Variants in CAD observed in about 807,000 individuals in gnomAD.
CAD encodes carbamoyl-phosphate synthetase 2, aspartate transcarbamylase, and dihydroorotase.
A neutral mutation model predicts 237.2 loss-of-function variants in CAD; 81 were observed. The observed-to-expected ratio is 0.34, with a 90% CI of 0.29 to 0.41. The LOEUF is 0.41. Among genes scored for constraint, CAD ranks in the 10% least tolerant of loss-of-function variants. The pLI is 1.00. For missense variants in CAD, 2,181 were observed against 2,951.7 expected (o/e 0.74, Z 6.05); for synonymous variants, 1,196 against 1,162.8 (o/e 1.03, Z -0.58).
chr2:27,231,409 T>C (rs1015293333), intron 15 of CAD, 59 bp from the exon 16 acceptor site: 1 of 940,792 alleles, frequency 1.1e-6, no homozygotes, highest in Non-Finnish European at 1.8e-6. Context: ...TTATGGGCAG[T>C]GCCTTCTTCC....
chr2:27,219,763 A>G (rs1331589353), intron 2 of CAD, among the ~76,000 whole-genome samples: 2 of 151,660 alleles, frequency 1.3e-5, no homozygotes, highest in South Asian at 2.1e-4. Flanking sequence ...CTAATTTTGT[A>G]TTTTTAGTAG....
chr2:27,223,881 A>G (rs766079509), intron 7 of CAD, 36 bp from the exon 8 acceptor site: 40 of 1,561,416 alleles, frequency 2.6e-5, no homozygotes, highest in Non-Finnish European at 3.5e-5. Context: ...CATGCCAGGG[A>G]CCATGATGGT....
At chr2:27,230,398 T>C (rs1413663912) in intron 15 of CAD, among the ~76,000 whole-genome samples, 1 of 151,894 alleles carries the variant, frequency 6.6e-6, no homozygotes, top group African/African-American at 2.4e-5. Flanking sequence ...CCCCAGCACT[T>C]TGGGAGGCCG....
In CAD at chr2:27,243,730, T is replaced by A; in HGVS notation, c.*212T>A. The A allele has an allele frequency of 1.7e-6, 1 of 585,076 alleles. No individual in the cohort carries two copies. Among genetic ancestry groups the A allele is most frequent in the Non-Finnish European group, 3.0e-6 (1 of 327,914 alleles). The allele number at this position is 585,076 out of a possible 1,614,324, so 36.2% of individuals were successfully genotyped here. A position where few individuals can be genotyped will look rare whatever the true frequency, so the allele number is the denominator to read the frequency against. ...TCTGCCCCATCTTCATTCCTGCACC[T>A]TAAACCTGTACAGTCATTTTTCTAC... On this transcript the variant is annotated 3_prime_UTR_variant, in exon 44 of 44. Transcript: ENST00000264705.
In CAD at chr2:27,237,863, G is replaced by A; in HGVS notation, c.4709G>A (p.Ser1570Asn). 1 of 1,612,558 alleles carries A rather than the reference G, an allele frequency of 6.2e-7. No homozygotes were observed. Among genetic ancestry groups the A allele is most frequent in the Non-Finnish European group, 8.5e-7 (1 of 1,179,138 alleles). The part of the protein sequence containing the change: ...NETFSELRLD[S>N]VVQWMEHFET... ...ACCTTCTCTGAGCTGCGGCTGGACA[G>A]CGTGGTCCAGTGGATGGAGGTAGGG... The change falls in exon 29 of 44, where the codon AGC (serine) becomes AAC (asparagine). Residue 1570 changes from serine (S) to asparagine (N), a missense_variant. Physicochemically the swap from Ser to Asn is conservative, Grantham distance 46 (BLOSUM62 1). Coordinates refer to ENST00000264705, the MANE Select transcript of CAD (RefSeq NM_004341.5). This position sits in a 1 kb window ranked among gnomAD's most constrained non-coding sequence, Gnocchi z 4.0.
At chr2:27,226,689 C>T (rs765387488) in intron 14 of CAD, 40 bp downstream of exon 14, 12 of 1,611,130 alleles carry the variant, frequency 7.4e-6, no homozygotes, top group South Asian at 4.4e-5. Context: ...GGAAGTGGGT[C>T]GGGGGCTGAG....
At position 27,235,385 on chromosome 2, in the gene CAD, G is replaced by A; in HGVS notation, c.3927G>A (p.Lys1309=). Residue 1309 remains lysine, a synonymous_variant, in exon 24 of 44, where the codon AAG becomes AAA. Transcript: ENST00000264705. The surrounding 1 kb of genome is among the most constrained non-coding windows in gnomAD (Gnocchi z 5.2). The part of the protein sequence containing the change: ...YLKAMLSTGF[K]IPKKNILLTI... ...AGGCCATGCTAAGCACTGGCTTTAAGATCCCCAAGAAGAATATCCTGCTGA... is the reference window on the plus strand; with the variant it reads ...AGGCCATGCTAAGCACTGGCTTTAAAATCCCCAAGAAGAATATCCTGCTGA... 1.2e-6 allele frequency: 2 copies of A among 1,613,576 alleles called. No individual in the cohort carries two copies. Among genetic ancestry groups the A allele is most frequent in the Non-Finnish European group, 1.7e-6 (2 of 1,179,734 alleles).
chr2:27,237,386 T>A lies in CAD; in HGVS notation c.4404T>A (p.Ile1468=). Residue 1468 remains isoleucine, a synonymous_variant, in exon 28 of 44, where the codon ATT becomes ATA. Transcript: ENST00000264705. This position sits in a 1 kb window ranked among gnomAD's most constrained non-coding sequence, Gnocchi z 4.0. ...GCTTCCATTTTCTCCCAGGATTGAT[T>A]GATGTCCATGTGCACCTGCGGGAAC... ...SQKLVRLPGL[I]DVHVHLREPG... 6.2e-7 allele frequency: 1 copy of A among 1,614,138 alleles called. No homozygotes were observed. The highest frequency in any genetic ancestry group is 8.5e-7 in the Non-Finnish European group (1 of 1,179,990).
rs934075073 is a variant in CAD, at chr2:27,232,373, C to T, written c.2646-75C>T. On this transcript the variant is annotated intron_variant, in intron 17 of 43. Transcript: ENST00000264705. The surrounding 1 kb of genome is among the most constrained non-coding windows in gnomAD (Gnocchi z 4.1). ...CCAAGGATATTTCCTCTCATCTGTGCCCTGGGGTCTCAACCCTCTATCAGT... is the reference window on the plus strand; with the variant it reads ...CCAAGGATATTTCCTCTCATCTGTGTCCTGGGGTCTCAACCCTCTATCAGT... 1.8e-5 allele frequency: 29 copies of T among 1,591,924 alleles called. No individual in the cohort carries two copies. The highest frequency in any genetic ancestry group is 2.4e-5 in the Non-Finnish European group (28 of 1,167,434).
rs759347908 is a variant in CAD at position 27,224,859 on chromosome 2, C to A, written c.1369C>A (p.Pro457Thr). 1 of 1,614,208 alleles carries A rather than the reference C, an allele frequency of 6.2e-7. No individual in the cohort carries two copies. Among genetic ancestry groups the A allele is most frequent in the South Asian group, 1.1e-5 (1 of 91,084 alleles). ...ADKVYFLPIT[P>T]HYVTQVIRNE... ...CAAGGTCTATTTTCTTCCCATAACA[C>A]CTCATTATGTAACCCAGGTATGACT... Residue 457 changes from proline to threonine, a missense_variant, in exon 10 of 44, where the codon CCT becomes ACT. Pro to Thr is a conservative substitution (Grantham distance 38, BLOSUM62 -1). Transcript: ENST00000264705.
At chr2:27,218,727 A>T (rs1259111541) in intron 2 of CAD, among the ~76,000 whole-genome samples, 1 of 152,126 alleles carries the variant, frequency 6.6e-6, no homozygotes, top group African/African-American at 2.4e-5. Flanking sequence ...TGAAATTTGG[A>T]AACTAAGTTG....
At chr2:27,226,051 G>A (rs1675432706) in intron 12 of CAD, 80 bp from the exon 13 acceptor site, 7 of 1,507,944 alleles carry the variant, frequency 4.6e-6, no homozygotes, top group Non-Finnish European at 5.5e-6. Flanking sequence ...CAGCCCCAGA[G>A]GTAACAGGAC....
rs1398342294 is a variant in CAD at position 27,217,527 on chromosome 2, G to A, written c.-25G>A. ...CAGTCCTTCCCGCTTCTCCGTACTC[G>A]CCCCCGCCTCTGAGCTCCCTTCCCA... On this transcript the variant is annotated 5_prime_UTR_variant, in exon 1 of 44. Coordinates refer to ENST00000264705, the MANE Select transcript of CAD (RefSeq NM_004341.5). 7.6e-6 allele frequency: 12 copies of A among 1,575,884 alleles called. No individual in the cohort carries two copies. The highest frequency in any genetic ancestry group is 1.0e-5 in the Non-Finnish European group (12 of 1,156,868).
rs372672673 is a variant in CAD at position 27,239,521 on chromosome 2, C to T, written c.5394+50C>T. 184 of 1,589,108 alleles carry T rather than the reference C, an allele frequency of 1.2e-4. No individual in the cohort carries two copies. The highest frequency in any genetic ancestry group is 9.8e-4 in the Middle Eastern group (5 of 5,100). Reference sequence around the variant, plus strand: ...CTCAGTAGTGCCCTCTTCTGCACCACGTTCATTTCTTCCCTTCCCAGCACA... The same window carrying T: ...CTCAGTAGTGCCCTCTTCTGCACCATGTTCATTTCTTCCCTTCCCAGCACA... On this transcript the variant is annotated intron_variant, in intron 33 of 43. Transcript: ENST00000264705. The surrounding 1 kb of genome is among the most constrained non-coding windows in gnomAD (Gnocchi z 4.0).
intron 15 of CAD, among the ~76,000 whole-genome samples, chr2:27,229,063 C>T (rs111889866): frequency 0.063 from 9,561 of 151,494 alleles, 387 homozygotes; most frequent in African/African-American, 0.11. Context: ...GGACTACAGG[C>T]GCGCACAACC....
Position 27,242,601 on chromosome 2 carries a change from G to A in CAD, c.6223-19G>A. 6.3e-7 allele frequency: 1 copy of A among 1,580,714 alleles called. No homozygotes were observed. The highest frequency in any genetic ancestry group is 8.6e-7 in the Non-Finnish European group (1 of 1,159,140). Reference sequence around the variant, plus strand: ...GCACTCAGTCTGGGATCCCTGTGGTGACTGGATTCCTCTCCTAGATCACGA... The same window carrying A: ...GCACTCAGTCTGGGATCCCTGTGGTAACTGGATTCCTCTCCTAGATCACGA... On this transcript the variant is annotated intron_variant, in intron 40 of 43. Transcript: ENST00000264705. This position sits in a 1 kb window ranked among gnomAD's most constrained non-coding sequence, Gnocchi z 6.4.
Position 27,240,750 on chromosome 2 carries a change from C to A in CAD, c.5594-161C>A. ...GCCCCATGGGAAGCCACCTGTCTGT[C>A]CCCAGAGCTGCTGCAGTCCCCTGCC... On this transcript the variant is annotated intron_variant, in intron 35 of 43. Coordinates refer to ENST00000264705, the MANE Select transcript of CAD (RefSeq NM_004341.5). The surrounding 1 kb of genome is among the most constrained non-coding windows in gnomAD (Gnocchi z 4.6). 2 of 1,187,614 alleles carry A rather than the reference C, an allele frequency of 1.7e-6. No individual in the cohort carries two copies. The highest frequency in any genetic ancestry group is 2.4e-6 in the Non-Finnish European group (2 of 829,506). The allele number at this position is 1,187,614 out of a possible 1,614,324, so 73.6% of individuals were successfully genotyped here. A position where few individuals can be genotyped will look rare whatever the true frequency, so the allele number is the denominator to read the frequency against.
In CAD at chr2:27,221,198, C is replaced by A. The variant is rs747898433; in HGVS notation, c.223-20C>A. The A allele has an allele frequency of 1.3e-5, 19 of 1,490,824 alleles. No individual in the cohort carries two copies. The South Asian group carries it at 2.4e-4, about 19-fold the overall frequency. 92.3% of individuals were successfully genotyped at this position (1,490,824 alleles called of 1,614,324 possible). A position where few individuals can be genotyped will look rare whatever the true frequency, so the allele number is the denominator to read the frequency against. On this transcript the variant is annotated intron_variant, in intron 2 of 43. Coordinates refer to ENST00000264705, the MANE Select transcript of CAD (RefSeq NM_004341.5). ...AAATAACTTGGCCTGAGGCTTCTCACAATCTCTTTCCATCTACAGTGGTTT... is the reference window on the plus strand; with the variant it reads ...AAATAACTTGGCCTGAGGCTTCTCAAAATCTCTTTCCATCTACAGTGGTTT...
intron 42 of CAD, 68 bp from the exon 43 acceptor site, chr2:27,243,130 C>A: frequency 1.3e-6 from 2 of 1,505,144 alleles, no homozygotes; most frequent in Admixed American, 1.7e-5. Flanking sequence ...CCCAGTGGAG[C>A]CCAGACTTGT....
Sources: gnomAD v4.1 joint callset for allele counts (sites outside exome capture counted in the v4.1 genomes callset) on GRCh38, gnomAD v4.1.1 for gene constraint, Gnocchi (gnomAD v3.1) non-coding constraint, MANE v1.5 for transcripts, NCBI Gene and HGNC (gene_info 2026-07-23, HGNC 2026-07-21) for gene names.